The following MSRB3 variants were observed in gnomAD, a reference collection of about 807,000 sequenced individuals.
MSRB3 encodes methionine sulfoxide reductase B3.
MSRB3 carries 13 observed loss-of-function variants against 21.0 expected under a neutral mutation model. The observed-to-expected ratio is 0.62, with a 90% CI of 0.40 to 0.98. The LOEUF is 0.98. Ranked by LOEUF, MSRB3 falls within the 50% of genes least tolerant of loss-of-function variation. The pLI is 0.00. For synonymous variants in MSRB3, 87 were observed against 88.6 expected (o/e 0.98, Z 0.10); for missense variants, 199 against 230.3 (o/e 0.86, Z 0.88).
intron 5 of MSRB3, among the ~76,000 whole-genome samples, chr12:65,447,685 A>C (rs1251010473): frequency 6.6e-6 from 1 of 152,216 alleles, no homozygotes; most frequent in Non-Finnish European, 1.5e-5. Context: ...GCATAAGAGT[A>C]GGGAACAAGG....
chr12:65,348,054 G>T (rs1054762641), intron 4 of MSRB3, among the ~76,000 whole-genome samples: 12 of 151,982 alleles, frequency 7.9e-5, no homozygotes, highest in Non-Finnish European at 1.3e-4. Context: ...CTCTTTTTTT[G>T]TTGTGTCTCT....
intron 5 of MSRB3, among the ~76,000 whole-genome samples, chr12:65,383,886 T>G (rs1879075607): frequency 6.6e-6 from 1 of 152,190 alleles, no homozygotes; most frequent in Non-Finnish European, 1.5e-5. Context: ...CTCGAACTCC[T>G]GAACTCAGGT....
chr12:65,453,685 A>C, intron 5 of MSRB3, 43 bp from the exon 6 acceptor site: 1 of 1,401,272 alleles, frequency 7.1e-7, no homozygotes, highest in Non-Finnish European at 1.0e-6. Context: ...AAGGCTGTGT[A>C]TCTCTCCTCT....
At chr12:65,288,792 T>C (rs927253902) in intron 1 of MSRB3, among the ~76,000 whole-genome samples, 1 of 152,154 alleles carries the variant, frequency 6.6e-6, no homozygotes, top group South Asian at 2.1e-4. Flanking sequence ...CTCTTAAGGT[T>C]GGTTAATCTG....
intron 5 of MSRB3, among the ~76,000 whole-genome samples, chr12:65,438,670 G>C (rs1488680741): frequency 6.6e-6 from 1 of 151,878 alleles, no homozygotes; most frequent in African/African-American, 2.4e-5. Context: ...GGAGGAAAAT[G>C]AGAGTTTTCC....
At chr12:65,339,101 A>C (rs1189851703) in intron 4 of MSRB3, among the ~76,000 whole-genome samples, 1 of 152,184 alleles carries the variant, frequency 6.6e-6, no homozygotes, top group Non-Finnish European at 1.5e-5. Context: ...AAAAATAAAA[A>C]GATTCCAGAC....
chr12:65,311,544 A>C (rs1012916870), intron 2 of MSRB3, among the ~76,000 whole-genome samples: 1 of 152,104 alleles, frequency 6.6e-6, no homozygotes, highest in African/African-American at 2.4e-5. Flanking sequence ...AGACTGCTTA[A>C]ATTTTGAAAA....
intron 2 of MSRB3, among the ~76,000 whole-genome samples, chr12:65,309,880 G>T (rs1873885874): frequency 6.6e-6 from 1 of 152,154 alleles, no homozygotes; most frequent in Admixed American, 6.5e-5. Context: ...AGGGCAAATA[G>T]AAGAGGTAAG....
intron 5 of MSRB3, among the ~76,000 whole-genome samples, chr12:65,443,271 G>A (rs1410645061): frequency 6.6e-6 from 1 of 152,064 alleles, no homozygotes; most frequent in Non-Finnish European, 1.5e-5. Context: ...CAGTGTTCTT[G>A]ACAGCCTTAG....
intron 6 of MSRB3, among the ~76,000 whole-genome samples, chr12:65,455,002 C>T (rs1806531788): frequency 6.6e-6 from 1 of 152,158 alleles, no homozygotes; most frequent in African/African-American, 2.4e-5. Flanking sequence ...ATTGACACCA[C>T]AGGGTATTTT....
chr12:65,335,183 G>T (rs537005469), intron 4 of MSRB3, among the ~76,000 whole-genome samples: 71 of 152,144 alleles, frequency 4.7e-4, no homozygotes, highest in Non-Finnish European at 9.1e-4. Flanking sequence ...AATATGCCAG[G>T]TATTCAACAA....
chr12:65,422,027 T>C (rs1446240002), intron 5 of MSRB3, among the ~76,000 whole-genome samples: 1 of 152,002 alleles, frequency 6.6e-6, no homozygotes, highest in Non-Finnish European at 1.5e-5. Flanking sequence ...AATAAAGGGA[T>C]GGAGGAAAAC....
At chr12:65,441,609 C>T (rs1882384308) in intron 5 of MSRB3, among the ~76,000 whole-genome samples, 1 of 151,910 alleles carries the variant, frequency 6.6e-6, no homozygotes, top group African/African-American at 2.4e-5. Context: ...TCTTTCCCTT[C>T]CTGGAGCTTA....
chr12:65,368,405 G>A (rs1878132803), intron 4 of MSRB3, among the ~76,000 whole-genome samples: 1 of 152,230 alleles, frequency 6.6e-6, no homozygotes, highest in African/African-American at 2.4e-5. Flanking sequence ...CACATCAGCA[G>A]CATCTTGAGA....
At chr12:65,287,507 T>G (rs933081373) in intron 1 of MSRB3, among the ~76,000 whole-genome samples, 1 of 152,178 alleles carries the variant, frequency 6.6e-6, no homozygotes, top group Admixed American at 6.5e-5. Flanking sequence ...TAGGGCCTAT[T>G]ATAGGTGAAT....
chr12:65,368,987 T>C lies in MSRB3; in HGVS notation c.264-11T>C. 4 of 1,448,146 alleles carry C rather than the reference T, an allele frequency of 2.8e-6. No individual in the cohort carries two copies. The highest frequency in any genetic ancestry group is 3.7e-6 in the Non-Finnish European group (4 of 1,070,126). The allele number at this position is 1,448,146 out of a possible 1,614,324, so 89.7% of individuals were successfully genotyped here. A position where few individuals can be genotyped will look rare whatever the true frequency, so the allele number is the denominator to read the frequency against. On this transcript the variant is annotated splice_polypyrimidine_tract_variant and intron_variant, in intron 4 of 6. Transcript: ENST00000308259. ...GTTTTTATATTGTAAAAACTTTCTT[T>C]CTCTTTGCAGGTCAGAAACCAAATT...
chr12:65,314,680 A>G (rs1052241142), intron 2 of MSRB3, among the ~76,000 whole-genome samples: 2 of 152,120 alleles, frequency 1.3e-5, no homozygotes, highest in African/African-American at 4.8e-5. Context: ...TAAATATGGA[A>G]TAAATTCTTT....
At chr12:65,401,521 T>C (rs1164654346) in intron 5 of MSRB3, among the ~76,000 whole-genome samples, 1 of 152,208 alleles carries the variant, frequency 6.6e-6, no homozygotes, top group Non-Finnish European at 1.5e-5. Flanking sequence ...GTGAGATGGG[T>C]ATCCTGAATA....
At chr12:65,430,405 G>T (rs79891210) in intron 5 of MSRB3, among the ~76,000 whole-genome samples, 55 of 152,250 alleles carry the variant, frequency 3.6e-4, no homozygotes, top group African/African-American at 1.3e-3. Context: ...TACTCTGTTT[G>T]TCCCTGGGAA....
Sources: allele counts gnomAD v4.1 joint callset (sites outside exome capture counted in the v4.1 genomes callset), GRCh38; gene constraint gnomAD v4.1.1; transcripts MANE v1.5; gene names NCBI Gene and HGNC (gene_info 2026-07-23, HGNC 2026-07-21).